The following NBAS variants were observed in gnomAD, a reference collection of about 807,000 sequenced individuals.
NBAS encodes NBAS subunit of NRZ tethering complex.
Under a neutral mutation model 302.5 loss-of-function variants are expected in NBAS, and 219 were observed. The observed-to-expected ratio is 0.72, with a 90% confidence interval of 0.65 to 0.81. NBAS has a LOEUF of 0.81. Ranked by LOEUF, NBAS falls within the 30% of genes least tolerant of loss-of-function variation. NBAS has a pLI of 0.00. For synonymous variants in NBAS, 1,118 were observed against 1,021.6 expected, an observed-to-expected ratio of 1.09 and a Z score of -1.80; for missense variants, 2,932 against 2,841.6, an observed-to-expected ratio of 1.03 and a Z score of -0.72.
rs1677011045 is a variant in NBAS, at chr2:15,417,656, C to A, written c.2634G>T (p.Leu878Phe). 4 of 1,613,812 alleles carry A rather than the reference C, an allele frequency of 2.5e-6. No individual in the cohort carries two copies. Among genetic ancestry groups the A allele is most frequent in the Non-Finnish European group, 1.7e-6 (2 of 1,179,956 alleles). The change falls in exon 24 of 52, where the codon TTG (leucine) becomes TTT (phenylalanine). Residue 878 changes from leucine to phenylalanine, a missense_variant. By Grantham distance (22) the Leu-to-Phe change is conservative (BLOSUM62 0). Transcript: ENST00000281513. ...RLGMERNIPG[L>F]LVLCDNLVTL... ...TAACCAAATTGTCACAGAGAACCAG[C>A]AAACCAGGAATATTCCGCTCCATCC...
At position 15,203,871 on chromosome 2, in the gene NBAS, TG is replaced by T. The variant is rs57366039; in HGVS notation, c.6433-13469del. The stretch of plus-strand genomic sequence containing the variant: ...ATGTCTGTGTGTGTGTGTCTGTGTC[TG>T]TGTGTGTGTGTGTGTGCTTGTGTGT... On this transcript the variant is annotated intron_variant, in intron 48 of 51. Transcript: ENST00000281513. Among the ~76,000 whole-genome samples the T allele has an allele frequency of 5.1e-3, 448 of 88,514 alleles. 6 individuals carry two copies. The highest frequency in any genetic ancestry group is 0.027 in the African/African-American group (420 of 15,392). 58.1% of individuals were successfully genotyped at this position (88,514 alleles called of 152,430 possible). A position where few individuals can be genotyped will look rare whatever the true frequency, so the allele number is the denominator to read the frequency against.
the NBAS span, among the ~76,000 whole-genome samples, chr2:14,976,817 A>G: frequency 6.6e-6 from 1 of 152,190 alleles, no homozygotes; most frequent in East Asian, 1.9e-4. Context: ...TTATGCATCC[A>G]CAAGCCAAGG....
At chr2:14,915,623 C>T in the NBAS span, among the ~76,000 whole-genome samples, 6 of 152,036 alleles carry the variant, frequency 3.9e-5, no homozygotes, top group South Asian at 6.2e-4. Flanking sequence ...AGTACAGTGG[C>T]GTAATCTTGG....
Position 15,466,790 on chromosome 2 carries a change from T to A in NBAS, c.2097+539A>T, listed in dbSNP as rs115344102. On this transcript the variant is annotated intron_variant, in intron 19 of 51. Transcript: ENST00000281513. ...CTGTCTCTAAAAAAATGCAAAAATT[T>A]GCCATGTGTGGTGGCATGTGCCTGT... Among the ~76,000 whole-genome samples the A allele has an allele frequency of 6.0e-3, 911 of 151,936 alleles. 10 individuals are homozygous for A. Among genetic ancestry groups the A allele is most frequent in the African/African-American group, 0.02 (824 of 41,462 alleles).
At chr2:15,360,253 C>T (rs1673835056) in intron 32 of NBAS, among the ~76,000 whole-genome samples, 1 of 149,938 alleles carries the variant, frequency 6.7e-6, no homozygotes, top group Non-Finnish European at 1.5e-5. Flanking sequence ...AAACACTCTA[C>T]ACTGAGGCTA....
chr2:15,073,132 C>A, the NBAS span, among the ~76,000 whole-genome samples: 1 of 150,914 alleles, frequency 6.6e-6, no homozygotes, highest in Non-Finnish European at 1.5e-5. Flanking sequence ...TCAAAACAAA[C>A]AACAACAACA....
the NBAS span, among the ~76,000 whole-genome samples, chr2:14,801,360 T>A: frequency 2.2e-4 from 34 of 152,232 alleles, no homozygotes; most frequent in Middle Eastern, 3.4e-3. Flanking sequence ...TTTTAAAAAA[T>A]TTTTTGTGTT....
At chr2:15,507,145 A>G (rs1422145617) in intron 10 of NBAS, among the ~76,000 whole-genome samples, 1 of 152,218 alleles carries the variant, frequency 6.6e-6, no homozygotes, top group Non-Finnish European at 1.5e-5. Context: ...TTCCTGATGT[A>G]AGATGAATAT....
At chr2:14,916,175 G>A in the NBAS span, among the ~76,000 whole-genome samples, 1 of 152,068 alleles carries the variant, frequency 6.6e-6, no homozygotes, top group African/African-American at 2.4e-5. Flanking sequence ...ATAAGCCTGG[G>A]CTTTAATGTG....
intron 32 of NBAS, among the ~76,000 whole-genome samples, chr2:15,359,792 C>T (rs969850233): frequency 6.6e-6 from 1 of 151,886 alleles, no homozygotes; most frequent in East Asian, 1.9e-4. Context: ...TGCTCAATAC[C>T]CAGCATCAAG....
chr2:15,369,721 G>A (rs565566496), intron 31 of NBAS, among the ~76,000 whole-genome samples: 1 of 152,210 alleles, frequency 6.6e-6, no homozygotes, highest in African/African-American at 2.4e-5. Context: ...AGGCATGTAC[G>A]TACCTTTTAA....
At chr2:15,463,488 C>G (rs1679593445) in intron 19 of NBAS, among the ~76,000 whole-genome samples, 1 of 152,128 alleles carries the variant, frequency 6.6e-6, no homozygotes, top group African/African-American at 2.4e-5. Context: ...CTCACCCTCA[C>G]AGAGGCATCC....
chr2:15,267,642 G>C (rs192636522), intron 44 of NBAS, among the ~76,000 whole-genome samples: 208 of 152,142 alleles, frequency 1.4e-3, no homozygotes, highest in African/African-American at 4.2e-3. Flanking sequence ...TTACGAAAAA[G>C]ATCACAAGAT....
At chr2:14,848,132 A>C in the NBAS span, among the ~76,000 whole-genome samples, 1 of 152,058 alleles carries the variant, frequency 6.6e-6, no homozygotes, top group South Asian at 2.1e-4. Flanking sequence ...AGCGACGCAG[A>C]AGACGGGTGA....
At chr2:15,193,098 T>G (rs1665439994) in intron 48 of NBAS, among the ~76,000 whole-genome samples, 1 of 152,220 alleles carries the variant, frequency 6.6e-6, no homozygotes, top group South Asian at 2.1e-4. Flanking sequence ...GTTTAAAATG[T>G]ATTTGATAAA....
At chr2:14,779,557 CT>C in the NBAS span, among the ~76,000 whole-genome samples, 1 of 152,292 alleles carries the variant, frequency 6.6e-6, no homozygotes, top group East Asian at 1.9e-4. Flanking sequence ...ACCCCAGTGC[CT>C]TTGTGCCTGC....
intron 37 of NBAS, 82 bp from the exon 38 acceptor site, chr2:15,327,952 TTA>T: frequency 6.4e-7 from 1 of 1,551,114 alleles, no homozygotes; most frequent in East Asian, 2.2e-5. Flanking sequence ...TTATAGGATG[TTA>T]TGTTTTCTGG....
intron 26 of NBAS, among the ~76,000 whole-genome samples, chr2:15,400,117 G>A (rs370179963): frequency 5.9e-5 from 9 of 151,958 alleles, no homozygotes; most frequent in South Asian, 2.1e-4. Flanking sequence ...TATGCAACAC[G>A]AGAGAGAGGC....
At chr2:14,823,334 G>A in the NBAS span, among the ~76,000 whole-genome samples, 1 of 152,080 alleles carries the variant, frequency 6.6e-6, no homozygotes, top group Non-Finnish European at 1.5e-5. Flanking sequence ...TAAGGAAATT[G>A]TTTTACTTGA....
Sources: gnomAD v4.1 joint callset for allele counts (sites outside exome capture counted in the v4.1 genomes callset) on GRCh38, gnomAD v4.1.1 for gene constraint, MANE v1.5 for transcripts, NCBI Gene and HGNC (gene_info 2026-07-23, HGNC 2026-07-21) for gene names.